PTPN3: variants seen among roughly 807,000 people sequenced by gnomAD.
The protein encoded by PTPN3 is tyrosine-protein phosphatase non-receptor type 3.
Under a neutral mutation model 132.7 loss-of-function variants are expected in PTPN3, and 96 were observed. The observed-to-expected ratio is 0.72, with a 90% confidence interval of 0.61 to 0.86. The LOEUF (loss-of-function observed/expected upper bound fraction) is 0.86, where lower values mean the gene tolerates loss of function less well. Ranked by LOEUF, PTPN3 falls within the 40% of genes least tolerant of loss-of-function variation. The probability of loss-of-function intolerance (pLI) is 0.00; values close to 1 mark genes in which losing one functional copy is unlikely to be tolerated. For missense variants in PTPN3, 1,125 were observed against 1,159.6 expected (o/e 0.97, Z 0.43); for synonymous variants, 398 against 429.0 (o/e 0.93, Z 0.89).
intron 16 of PTPN3, among the ~76,000 whole-genome samples, chr9:109,409,731 A>C (rs1841923084): frequency 1.3e-5 from 2 of 152,088 alleles, no homozygotes; most frequent in Non-Finnish European, 2.9e-5. Flanking sequence ...GGATCACCTG[A>C]GCCTGGGGAG....
intron 1 of PTPN3, among the ~76,000 whole-genome samples, chr9:109,480,381 T>C (rs1169922727): frequency 1.3e-5 from 2 of 152,104 alleles, no homozygotes; most frequent in Non-Finnish European, 2.9e-5. Context: ...CCCAGGCTCA[T>C]CTTGAACTCC....
the PTPN3 span, among the ~76,000 whole-genome samples, chr9:109,524,990 C>A: frequency 6.6e-6 from 1 of 152,176 alleles, no homozygotes; most frequent in Non-Finnish European, 1.5e-5. Context: ...AAGTGATCCG[C>A]CCACCTTGGC....
intron 14 of PTPN3, among the ~76,000 whole-genome samples, chr9:109,415,720 G>A (rs995731499): frequency 2.6e-5 from 4 of 152,164 alleles, no homozygotes; most frequent in African/African-American, 9.7e-5. Flanking sequence ...GAATCAACAC[G>A]ATGAGAAATG....
chr9:109,489,548 G>A (rs1365677074), intron 1 of PTPN3, among the ~76,000 whole-genome samples: 1 of 152,130 alleles, frequency 6.6e-6, no homozygotes, highest in African/African-American at 2.4e-5. Flanking sequence ...TCAGTCATGT[G>A]CAATTATTAA....
chr9:109,439,679 C>A (rs1310085725), intron 7 of PTPN3, among the ~76,000 whole-genome samples: 1 of 152,190 alleles, frequency 6.6e-6, no homozygotes, highest in African/African-American at 2.4e-5. Flanking sequence ...GAGGCCAAGG[C>A]GGGTGGATCA....
At chr9:109,424,885 T>C (rs916756501) in intron 12 of PTPN3, among the ~76,000 whole-genome samples, 2 of 152,224 alleles carry the variant, frequency 1.3e-5, no homozygotes, top group South Asian at 2.1e-4. Context: ...CCTGCTGGCA[T>C]TGGATGCATG....
At chr9:109,426,535 T>C (rs1182034723) in intron 12 of PTPN3, among the ~76,000 whole-genome samples, 1 of 152,204 alleles carries the variant, frequency 6.6e-6, no homozygotes, top group Non-Finnish European at 1.5e-5. Flanking sequence ...ACTCTGGAAA[T>C]GTTTTTCTAT....
chr9:109,533,807 T>TC, the PTPN3 span: 1 of 973,224 alleles, frequency 1.0e-6, no homozygotes, highest in Non-Finnish European at 1.6e-6. Context: ...GGGAGCACGC[T>TC]CCCATCCCTC....
At chr9:109,447,324 T>G (rs908169591) in intron 6 of PTPN3, among the ~76,000 whole-genome samples, 1 of 152,060 alleles carries the variant, frequency 6.6e-6, no homozygotes, top group African/African-American at 2.4e-5. Context: ...AGACTAAGTG[T>G]GCAGAAGAGA....
chr9:109,408,410 G>T, intron 16 of PTPN3, 33 bp from the exon 17 acceptor site: 1 of 1,500,000 alleles, frequency 6.7e-7, no homozygotes, highest in African/African-American at 1.7e-5. Flanking sequence ...ACAAAACAAA[G>T]TTTTTTAAGT....
At chr9:109,485,747 G>A (rs10816820) in intron 1 of PTPN3, among the ~76,000 whole-genome samples, 55,201 of 151,754 alleles carry the variant, frequency 0.36, 10,758 homozygotes, top group East Asian at 0.61. Context: ...CTGAGTACGG[G>A]AGAGCCTCTG....
intron 10 of PTPN3, among the ~76,000 whole-genome samples, chr9:109,432,145 TAA>T (rs1278394212): frequency 6.6e-6 from 1 of 151,224 alleles, no homozygotes; most frequent in African/African-American, 2.4e-5. Flanking sequence ...TAGTTTTACT[TAA>T]GTTACTTGCA....
the PTPN3 span, among the ~76,000 whole-genome samples, chr9:109,537,170 T>C: frequency 6.6e-6 from 1 of 152,138 alleles, no homozygotes; most frequent in African/African-American, 2.4e-5. Context: ...CAAGTACACA[T>C]TATTGTGCAA....
intron 7 of PTPN3, among the ~76,000 whole-genome samples, chr9:109,444,440 TTCTA>T (rs1844710881): frequency 3.3e-5 from 5 of 152,288 alleles, no homozygotes; most frequent in African/African-American, 1.2e-4. Flanking sequence ...CATCTGGACT[TTCTA>T]TCCAATATGG....
At chr9:109,412,271 T>C (rs966195233) in intron 14 of PTPN3, among the ~76,000 whole-genome samples, 2 of 152,014 alleles carry the variant, frequency 1.3e-5, no homozygotes, top group African/African-American at 4.8e-5. Flanking sequence ...TGCCATTACA[T>C]GACCACAGCT....
the PTPN3 span, among the ~76,000 whole-genome samples, chr9:109,504,244 C>T: frequency 3.9e-5 from 6 of 152,274 alleles, no homozygotes; most frequent in African/African-American, 1.4e-4. Context: ...AGGGAGAAAG[C>T]TGCAGGAGAT....
intron 24 of PTPN3, 42 bp downstream of exon 24, chr9:109,382,260 A>G: frequency 6.2e-7 from 1 of 1,601,266 alleles, no homozygotes. Flanking sequence ...CTTTTCCGAC[A>G]GGGAAAGGAT....
At chr9:109,449,464 T>C (rs1845096725) in intron 5 of PTPN3, 2 of 985,496 alleles carry the variant, frequency 2.0e-6, no homozygotes, top group Non-Finnish European at 2.4e-6. Context: ...TCTGCACTCA[T>C]CTCTGGGCAA....
chr9:109,462,250 C>T (rs576629564), intron 2 of PTPN3, among the ~76,000 whole-genome samples: 14 of 152,334 alleles, frequency 9.2e-5, no homozygotes, highest in South Asian at 4.1e-4. Context: ...ACTGGGCCAC[C>T]GCCCCATGCC....
Sources: gnomAD v4.1 joint callset for allele counts (sites outside exome capture counted in the v4.1 genomes callset) on GRCh38, gnomAD v4.1.1 for gene constraint, MANE v1.5 for transcripts, NCBI Gene and HGNC (gene_info 2026-07-23, HGNC 2026-07-21) for gene names.